STXBP4: variants seen among roughly 807,000 people sequenced by gnomAD.
STXBP4 encodes the protein syntaxin binding protein 4.
In STXBP4, 55 loss-of-function variants were observed where a neutral mutation model predicts 76.1. The ratio of observed to expected loss-of-function variants is 0.72; its 90% CI spans 0.58 to 0.91. STXBP4 has a LOEUF of 0.91. Ranked by LOEUF, STXBP4 falls within the 40% of genes least tolerant of loss-of-function variation. STXBP4 has a pLI of 0.00. For missense variants in STXBP4, 618 were observed against 636.9 expected (o/e 0.97, Z 0.32); for synonymous variants, 201 against 220.2 (o/e 0.91, Z 0.77).
At chr17:55,203,130 G>T in the STXBP4 span, among the ~76,000 whole-genome samples, 1 of 152,214 alleles carries the variant, frequency 6.6e-6, no homozygotes, top group South Asian at 2.1e-4. Context: ...GCACATATGG[G>T]TCTCTATTTC....
chr17:55,181,450 T>G, the STXBP4 span, among the ~76,000 whole-genome samples: 8 of 152,240 alleles, frequency 5.3e-5, no homozygotes, highest in African/African-American at 1.9e-4. Context: ...CACAATTCTT[T>G]TGCTGATATC....
Position 55,047,276 on chromosome 17 carries a change from A to T in STXBP4, c.1011+122A>T. ...CTTTACAATATCCCAGAGCTTCCTG[A>T]TACATATTACATAATACAAAATAGC... On this transcript the variant is annotated intron_variant, in intron 12 of 17. Transcript: ENST00000376352. 11 of 544,998 alleles carry T rather than the reference A, an allele frequency of 2.0e-5. No homozygotes were observed. The South Asian group carries it at 3.5e-4, about 17-fold the overall frequency. The allele number at this position is 544,998 out of a possible 1,614,324, so 33.8% of individuals were successfully genotyped here. A position where few individuals can be genotyped will look rare whatever the true frequency, so the allele number is the denominator to read the frequency against.
intron 16 of STXBP4, among the ~76,000 whole-genome samples, chr17:55,087,480 T>G (rs1199401406): frequency 6.6e-6 from 1 of 152,148 alleles, no homozygotes; most frequent in Non-Finnish European, 1.5e-5. Context: ...ATATCCAGTT[T>G]TTCCAGTACC....
chr17:55,055,739 C>T (rs1020454253), intron 12 of STXBP4, among the ~76,000 whole-genome samples: 1 of 152,316 alleles, frequency 6.6e-6, no homozygotes, highest in Non-Finnish European at 1.5e-5. Flanking sequence ...TTCTCCCCTC[C>T]ACCCCTTTAC....
At chr17:55,008,736 T>C (rs1459456806) in intron 8 of STXBP4, among the ~76,000 whole-genome samples, 2 of 152,162 alleles carry the variant, frequency 1.3e-5, no homozygotes, top group Non-Finnish European at 2.9e-5. Flanking sequence ...AGATATTTCC[T>C]TTCCTCTAGG....
intron 4 of STXBP4, among the ~76,000 whole-genome samples, chr17:54,996,719 T>C (rs1161935376): frequency 1.3e-5 from 2 of 152,158 alleles, no homozygotes; most frequent in East Asian, 3.8e-4. Context: ...TCACCATCAG[T>C]CTACATCTTG....
At chr17:54,972,315 G>C (rs1218275067) in intron 1 of STXBP4, among the ~76,000 whole-genome samples, 1 of 152,124 alleles carries the variant, frequency 6.6e-6, no homozygotes, top group Non-Finnish European at 1.5e-5. Context: ...CTCCATTGAT[G>C]CTTCTTGTTT....
chr17:55,071,653 C>G (rs1647302506), intron 12 of STXBP4, among the ~76,000 whole-genome samples: 1 of 152,096 alleles, frequency 6.6e-6, no homozygotes, highest in Non-Finnish European at 1.5e-5. Context: ...GTGTCTACCC[C>G]CAGTACCTGA....
At chr17:55,055,143 C>A (rs185136779) in intron 12 of STXBP4, among the ~76,000 whole-genome samples, 1 of 152,192 alleles carries the variant, frequency 6.6e-6, no homozygotes, top group Non-Finnish European at 1.5e-5. Flanking sequence ...GACATGTATT[C>A]TTTTATCAAC....
intron 16 of STXBP4, among the ~76,000 whole-genome samples, chr17:55,099,840 AAG>A (rs1426263784): frequency 6.6e-6 from 1 of 152,206 alleles, no homozygotes; most frequent in African/African-American, 2.4e-5. Flanking sequence ...TATAGATCCT[AAG>A]TAGGTACCAC....
chr17:55,065,015 G>A (rs909518878), intron 12 of STXBP4, among the ~76,000 whole-genome samples: 8 of 152,162 alleles, frequency 5.3e-5, no homozygotes, highest in South Asian at 2.1e-4. Context: ...AATAGTTGTC[G>A]CAACCACTTT....
In STXBP4 at chr17:55,048,433, A is replaced by G. The variant is rs547437250; in HGVS notation, c.1011+1279A>G. Among the ~76,000 whole-genome samples the G allele has an allele frequency of 2.9e-4, 44 of 152,014 alleles. 1 individual carries two copies. Among genetic ancestry groups the G allele is most frequent in the Middle Eastern group, 6.8e-3 (2 of 294 alleles). On this transcript the variant is annotated intron_variant, in intron 12 of 17. Transcript: ENST00000376352. ...TCCATCATTATAAAACGACTGAAAA[A>G]GTCAGATGATATCAATGAAAGCTTT...
At chr17:55,047,215 T>TGTGTGTGTGA (rs2144761352) in intron 12 of STXBP4, 61 bp downstream of exon 12, 1 of 859,202 alleles carries the variant, frequency 1.2e-6, no homozygotes, top group African/African-American at 1.7e-5. Context: ...TGTGTGTGTG[T>TGTGTGTGTGA]GTGAACATAT....
At chr17:55,017,042 C>T (rs956194468) in intron 8 of STXBP4, among the ~76,000 whole-genome samples, 29 of 152,070 alleles carry the variant, frequency 1.9e-4, no homozygotes, top group African/African-American at 7.0e-4. Flanking sequence ...TAGGCTACAC[C>T]CTTGTTTGCA....
intron 9 of STXBP4, among the ~76,000 whole-genome samples, chr17:55,032,610 TTCTC>T (rs1392337468): frequency 4.6e-5 from 7 of 152,186 alleles, no homozygotes; most frequent in African/African-American, 1.7e-4. Context: ...TCTCTGCTCT[TTCTC>T]AAGTAGTCCG....
rs140341365 is a variant in STXBP4 at position 55,014,602 on chromosome 17, G to A, written c.666+7005G>A. Among the ~76,000 whole-genome samples the A allele has an allele frequency of 9.9e-3, 1,504 of 152,106 alleles. 20 individuals carry two copies. Among genetic ancestry groups the A allele is most frequent in the African/African-American group, 0.034 (1,400 of 41,474 alleles). The stretch of plus-strand genomic sequence containing the variant: ...TGGCCCTTAATGGTCAAGCATACCC[G>A]GGGCTCTGTGAAGGTGATGGCATGG... On this transcript the variant is annotated intron_variant, in intron 8 of 17. Coordinates refer to ENST00000376352, the MANE Select transcript of STXBP4 (RefSeq NM_178509.6).
chr17:55,206,381 G>C, the STXBP4 span, among the ~76,000 whole-genome samples: 1 of 152,132 alleles, frequency 6.6e-6, no homozygotes, highest in South Asian at 2.1e-4. Context: ...AATCCAGCCA[G>C]TAAAATGAAA....
the STXBP4 span, among the ~76,000 whole-genome samples, chr17:55,201,010 G>C: frequency 6.6e-6 from 1 of 152,148 alleles, no homozygotes; most frequent in Non-Finnish European, 1.5e-5. Flanking sequence ...CTCTCTCTCT[G>C]TCTGGAGACA....
rs1322897081 is a variant in STXBP4 at position 55,012,573 on chromosome 17, C to G, written c.666+4976C>G. 2.0e-5 allele frequency among the ~76,000 whole-genome samples: 3 copies of G among 152,252 alleles called. No individual in the cohort carries two copies. The East Asian group carries it at 5.8e-4, about 29-fold the overall frequency. ...TGTTCCCTCGGAAGTTAGGAATTCCCTTTCTCTGCATATTGCCTCATGGGC... is the reference window on the plus strand; with the variant it reads ...TGTTCCCTCGGAAGTTAGGAATTCCGTTTCTCTGCATATTGCCTCATGGGC... On this transcript the variant is annotated intron_variant, in intron 8 of 17. Transcript: ENST00000376352.
Sources: gnomAD v4.1 joint callset for allele counts (sites outside exome capture counted in the v4.1 genomes callset) on GRCh38, gnomAD v4.1.1 for gene constraint, MANE v1.5 for transcripts, NCBI Gene and HGNC (gene_info 2026-07-23, HGNC 2026-07-21) for gene names.